Variants in SP1 observed in about 807,000 individuals in gnomAD.
The protein encoded by SP1 is Sp1 transcription factor.
In SP1, 6 loss-of-function variants were observed where a neutral mutation model predicts 66.3. That is an observed-to-expected ratio of 0.09 (90% CI 0.05 to 0.18). The LOEUF is 0.18. SP1 is among the 10% of genes least tolerant of loss of function. SP1 has a pLI of 1.00. For missense variants in SP1, 848 were observed against 964.5 expected, an observed-to-expected ratio of 0.88 and a Z score of 1.60; for synonymous variants, 417 against 360.8, an observed-to-expected ratio of 1.16 and a Z score of -1.77.
At position 53,381,989 on chromosome 12, in the gene SP1, C is replaced by T. The variant is rs1016007525; in HGVS notation, c.163-121C>T. 16 of 1,162,988 alleles carry T rather than the reference C, an allele frequency of 1.4e-5. No homozygotes were observed. In the African/African-American group the frequency reaches 2.5e-4, roughly 18 times the overall value. 72.0% of individuals were successfully genotyped at this position (1,162,988 alleles called of 1,614,324 possible). A position where few individuals can be genotyped will look rare whatever the true frequency, so the allele number is the denominator to read the frequency against. Reference sequence around the variant, plus strand: ...AGTTTCAGCAATACAGATAGGTCAGCTTTTTGTTTCTGTTTTTTGCTCCTT... The same window carrying T: ...AGTTTCAGCAATACAGATAGGTCAGTTTTTTGTTTCTGTTTTTTGCTCCTT... On this transcript the variant is annotated intron_variant, in intron 2 of 5. Transcript: ENST00000327443.
intron 3 of SP1, among the ~76,000 whole-genome samples, chr12:53,405,377 C>T (rs1270426873): frequency 3.3e-5 from 5 of 152,130 alleles, no homozygotes; most frequent in Admixed American, 1.3e-4. Context: ...GAAAATGTCT[C>T]TTTCCGGCTG....
At chr12:53,402,518 G>A (rs951930854) in intron 3 of SP1, among the ~76,000 whole-genome samples, 8 of 150,752 alleles carry the variant, frequency 5.3e-5, no homozygotes, top group African/African-American at 1.7e-4. Context: ...CGTTGCGCCC[G>A]GCCTGGACTG....
intron 3 of SP1, among the ~76,000 whole-genome samples, chr12:53,395,315 G>C (rs1938461570): frequency 6.6e-6 from 1 of 152,136 alleles, no homozygotes; most frequent in African/African-American, 2.4e-5. Context: ...ACTCCAGCCT[G>C]GGCGACAGAG....
chr12:53,404,709 C>T lies in SP1; in HGVS notation c.1676-1876C>T, dbSNP rs185278241. On this transcript the variant is annotated intron_variant, in intron 3 of 5. Coordinates refer to ENST00000327443, the MANE Select transcript of SP1 (RefSeq NM_138473.3). Reference sequence around the variant, plus strand: ...TTGAGTTGGAATCTTGTTCTGTTGGCCAGGCTGGTGTGCAGTGATGTGATC... The same window carrying T: ...TTGAGTTGGAATCTTGTTCTGTTGGTCAGGCTGGTGTGCAGTGATGTGATC... Among the ~76,000 whole-genome samples, 5 of 152,162 alleles carry T rather than the reference C, an allele frequency of 3.3e-5. No individual in the cohort carries two copies. The South Asian group carries it at 1.0e-3, about 32-fold the overall frequency.
chr12:53,406,994 T>C (rs1163503426), intron 4 of SP1, among the ~76,000 whole-genome samples: 1 of 151,920 alleles, frequency 6.6e-6, no homozygotes, highest in African/African-American at 2.4e-5. Context: ...CCAGCTATCT[T>C]TTTTTATTTT....
Position 53,382,242 on chromosome 12 carries a change from C to A in SP1, c.295C>A (p.Gln99Lys). 1 of 1,614,200 alleles carries A rather than the reference C, an allele frequency of 6.2e-7. No individual in the cohort carries two copies. Among genetic ancestry groups the A allele is most frequent in the East Asian group, 2.2e-5 (1 of 44,892 alleles). ...GTGELDLTAT[Q>K]LSQGANGWQI... ...AGGTGAGCTTGACCTCACAGCCACA[C>A]AACTTTCACAGGGTGCCAATGGCTG... The change falls in exon 3 of 6, where the codon CAA becomes AAA. Residue 99 changes from glutamine to lysine, a missense_variant. Coordinates refer to ENST00000327443, the MANE Select transcript of SP1 (RefSeq NM_138473.3).
chr12:53,400,005 C>T, intron 3 of SP1, among the ~76,000 whole-genome samples: 1 of 152,168 alleles, frequency 6.6e-6, no homozygotes, highest in East Asian at 1.9e-4. Flanking sequence ...ACCTAGTGAT[C>T]CACCTCCTGG....
rs1468141803 is a variant in SP1, at chr12:53,415,109, G to A, written c.*3869G>A. 6.6e-6 allele frequency: 1 copy of A among 152,584 alleles called. No homozygotes were observed. Among genetic ancestry groups the A allele is most frequent in the Non-Finnish European group, 1.5e-5 (1 of 68,056 alleles). The allele number at this position is 152,584 out of a possible 1,614,324, so 9.5% of individuals were successfully genotyped here. On this transcript the variant is annotated 3_prime_UTR_variant, in exon 6 of 6. Transcript: ENST00000327443. ...TCGCAGCAGTAGCTTTGGGGAAAGG[G>A]AGGAAGATATGGCACTTCTCCAACC...
chr12:53,387,763 A>C (rs1938263467), intron 3 of SP1, among the ~76,000 whole-genome samples: 1 of 152,152 alleles, frequency 6.6e-6, no homozygotes, highest in Non-Finnish European at 1.5e-5. Context: ...AGACAGGCGG[A>C]TCATGAGGTC....
At chr12:53,409,817 G>A (rs963794371) in intron 5 of SP1, among the ~76,000 whole-genome samples, 1 of 151,742 alleles carries the variant, frequency 6.6e-6, no homozygotes, top group African/African-American at 2.4e-5. Flanking sequence ...AGACCATTCT[G>A]GCTAACATGG....
intron 3 of SP1, among the ~76,000 whole-genome samples, chr12:53,396,151 G>A (rs1938484114): frequency 6.6e-6 from 1 of 151,346 alleles, no homozygotes; most frequent in East Asian, 2.0e-4. Flanking sequence ...TGTGGTGGCA[G>A]GCACCTGTAG....
At position 53,397,975 on chromosome 12, in the gene SP1, T is replaced by C. The variant is rs76012232; in HGVS notation, c.1676-8610T>C. Among the ~76,000 whole-genome samples, 512 of 152,332 alleles carry C rather than the reference T, an allele frequency of 3.4e-3. 1 individual carries two copies. The highest frequency in any genetic ancestry group is 0.011 in the African/African-American group (437 of 41,582). On this transcript the variant is annotated intron_variant, in intron 3 of 5. Transcript: ENST00000327443. ...CATTGCTACTGAACCTTTGGTCTTA[T>C]CAGACAATGATATGGTTGTGTGTGT...
At position 53,400,452 on chromosome 12, in the gene SP1, A is replaced by T. The variant is rs76407914; in HGVS notation, c.1676-6133A>T. ...GGGTTGTTTCTGTGTTTTAGCTATC[A>T]TGCATAATGCTGCTATGAATATTTG... On this transcript the variant is annotated intron_variant, in intron 3 of 5. Coordinates refer to ENST00000327443, the MANE Select transcript of SP1 (RefSeq NM_138473.3). Among the ~76,000 whole-genome samples, 28 of 152,316 alleles carry T rather than the reference A, an allele frequency of 1.8e-4. No individual in the cohort carries two copies. The East Asian group carries it at 4.8e-3, about 26-fold the overall frequency.
At chr12:53,396,052 G>A (rs1938481479) in intron 3 of SP1, among the ~76,000 whole-genome samples, 1 of 152,038 alleles carries the variant, frequency 6.6e-6, no homozygotes, top group Non-Finnish European at 1.5e-5. Flanking sequence ...CCTGGAAAGT[G>A]GAGGTTGCAG....
In SP1 at chr12:53,380,296, G is replaced by A; in HGVS notation, c.5G>A (p.Ser2Asn). ...GCTTGTCCCTCAGCTGCCACCATGA[G>A]CGGTAAGGATGAGTCCACTCCAAGC... M[S>N]DQDHSMDEMT... The change falls in exon 1 of 6, where the codon AGC (serine) becomes AAC (asparagine). Residue 2 changes from serine to asparagine, a missense_variant and splice_region_variant. This residue lies in a region of SP1 where 84 missense variants were observed against 73.9 expected (regional missense o/e 1.14). Coordinates refer to ENST00000327443, the MANE Select transcript of SP1 (RefSeq NM_138473.3). 6 of 1,593,734 alleles carry A rather than the reference G, an allele frequency of 3.8e-6. No individual in the cohort carries two copies. The highest frequency in any genetic ancestry group is 5.1e-6 in the Non-Finnish European group (6 of 1,166,918).
chr12:53,384,820 G>C (rs1938189542), intron 3 of SP1, among the ~76,000 whole-genome samples: 2 of 151,540 alleles, frequency 1.3e-5, no homozygotes, highest in Non-Finnish European at 1.5e-5. Context: ...CCCTGTCTTC[G>C]ACAAAAATAC....
At chr12:53,404,327 C>G (rs552868066) in intron 3 of SP1, among the ~76,000 whole-genome samples, 129 of 152,070 alleles carry the variant, frequency 8.5e-4, no homozygotes, top group African/African-American at 2.9e-3. Flanking sequence ...GTCAGGAGTT[C>G]GAGACCAGCC....
At chr12:53,401,947 G>A (rs566050172) in intron 3 of SP1, among the ~76,000 whole-genome samples, 1 of 152,284 alleles carries the variant, frequency 6.6e-6, no homozygotes, top group East Asian at 1.9e-4. Flanking sequence ...GGGATTATAG[G>A]TGTGAGCCTC....
In SP1 at chr12:53,383,600, G is replaced by T. The variant is rs764934565; in HGVS notation, c.1653G>T (p.Pro551=). 5.6e-6 allele frequency: 9 copies of T among 1,609,160 alleles called. No individual in the cohort carries two copies. In the South Asian group the frequency reaches 8.8e-5, roughly 16 times the overall value. ...AGGTGCACCCAATTCAAGGCCTGCC[G>T]TTGGCTATAGCAAATGCCCCAGGTA... ...GIQVHPIQGL[P]LAIANAPGDH... The change falls in exon 3 of 6, where the codon CCG becomes CCT. Residue 551 remains proline, a synonymous_variant. Coordinates refer to ENST00000327443, the MANE Select transcript of SP1 (RefSeq NM_138473.3).
Sources: gnomAD v4.1 joint callset for allele counts (sites outside exome capture counted in the v4.1 genomes callset) on GRCh38, gnomAD v4.1.1 for gene constraint, gnomAD v4.1.1 regional missense constraint, MANE v1.5 for transcripts, NCBI Gene and HGNC (gene_info 2026-07-23, HGNC 2026-07-21) for gene names.